IGSF21: variants seen among roughly 807,000 people sequenced by gnomAD.
IGSF21 encodes the protein immunoglobulin superfamily member 21.
Under a neutral mutation model 46.8 loss-of-function variants are expected in IGSF21, and 28 were observed. That is an observed-to-expected ratio of 0.60 (90% CI 0.44 to 0.82). The LOEUF (loss-of-function observed/expected upper bound fraction) is 0.82, where lower values mean the gene tolerates loss of function less well. Ranked by LOEUF, IGSF21 falls within the 40% of genes least tolerant of loss-of-function variation. The probability of loss-of-function intolerance (pLI) is 0.00; values close to 1 mark genes in which losing one functional copy is unlikely to be tolerated. For missense variants in IGSF21, 624 were observed against 665.5 expected, an observed-to-expected ratio of 0.94 and a Z score of 0.69; for synonymous variants, 284 against 273.6, an observed-to-expected ratio of 1.04 and a Z score of -0.38.
At chr1:18,148,124 A>G (rs1457833610) in intron 1 of IGSF21, among the ~76,000 whole-genome samples, 1 of 120,846 alleles carries the variant, frequency 8.3e-6, no homozygotes, top group East Asian at 2.5e-4. Context: ...AGTCACAAGT[A>G]TGTCCTTTTT....
chr1:18,330,730 C>T (rs1409899996), intron 3 of IGSF21, among the ~76,000 whole-genome samples: 1 of 152,108 alleles, frequency 6.6e-6, no homozygotes, highest in Non-Finnish European at 1.5e-5. Flanking sequence ...CCCTGTTGGC[C>T]AAGATGATGA....
At chr1:18,299,138 A>G (rs1426522279) in intron 3 of IGSF21, among the ~76,000 whole-genome samples, 1 of 152,182 alleles carries the variant, frequency 6.6e-6, no homozygotes, top group Non-Finnish European at 1.5e-5. Flanking sequence ...GACAAAGAGG[A>G]GCTGGGAGCT....
chr1:18,206,548 CAAAAA>C (rs1182210491), intron 1 of IGSF21, among the ~76,000 whole-genome samples: 1 of 78,860 alleles, frequency 1.3e-5, no homozygotes, highest in African/African-American at 4.9e-5. Context: ...GACCCCGTCT[CAAAAA>C]AAAAAAAAAA....
At chr1:18,276,681 C>T (rs1179387829) in intron 2 of IGSF21, among the ~76,000 whole-genome samples, 1 of 152,042 alleles carries the variant, frequency 6.6e-6, no homozygotes, top group Non-Finnish European at 1.5e-5. Flanking sequence ...GGGTCACAAG[C>T]CATTGTCTGG....
At chr1:18,287,180 C>CAAAA (rs1157021116) in intron 2 of IGSF21, among the ~76,000 whole-genome samples, 1 of 31,824 alleles carries the variant, frequency 3.1e-5, no homozygotes, top group African/African-American at 5.3e-5. Flanking sequence ...GACTCCGTCT[C>CAAAA]AAAAAAAAAA....
intron 4 of IGSF21, among the ~76,000 whole-genome samples, chr1:18,341,434 C>T (rs1352345664): frequency 6.6e-6 from 1 of 152,156 alleles, no homozygotes; most frequent in East Asian, 1.9e-4. Flanking sequence ...ATAATTCAAC[C>T]CACAGCAGTA....
At chr1:18,171,761 G>A (rs111426132) in intron 1 of IGSF21, among the ~76,000 whole-genome samples, 1 of 152,168 alleles carries the variant, frequency 6.6e-6, no homozygotes, top group East Asian at 1.9e-4. Flanking sequence ...CTTTAATTTT[G>A]TTGAGTAATT....
At chr1:18,261,739 C>A (rs564092437) in intron 2 of IGSF21, among the ~76,000 whole-genome samples, 1 of 152,314 alleles carries the variant, frequency 6.6e-6, no homozygotes. Context: ...TGTCTCCCTG[C>A]CTTAACCTTG....
intron 1 of IGSF21, among the ~76,000 whole-genome samples, chr1:18,116,990 G>A (rs1570239426): frequency 6.6e-6 from 1 of 152,196 alleles, no homozygotes; most frequent in South Asian, 2.1e-4. Flanking sequence ...GGATGGAGGA[G>A]TTGGCAGAGA....
At chr1:18,294,860 T>A (rs1433926561) in intron 3 of IGSF21, among the ~76,000 whole-genome samples, 2 of 152,256 alleles carry the variant, frequency 1.3e-5, no homozygotes, top group African/African-American at 4.8e-5. Flanking sequence ...GACTGCCTCT[T>A]CAGGCTGCAG....
In IGSF21 at chr1:18,109,021, C is replaced by CGTGTGT. The variant is rs1553146178; in HGVS notation, c.70+828_70+829insTGTGTG. ...GTGTGTGTGTGTGTGTGTGTCCCGC[C>CGTGTGT]GTGTGGACTTGCTCCCGGGTTAGGC... On this transcript the variant is annotated intron_variant, in intron 1 of 9. Transcript: ENST00000251296. The surrounding 1 kb of genome is among the most constrained non-coding windows in gnomAD (Gnocchi z 4.8). Among the ~76,000 whole-genome samples, 1 of 55,922 alleles carries CGTGTGT rather than the reference C, an allele frequency of 1.8e-5. No homozygotes were observed. Among genetic ancestry groups the CGTGTGT allele is most frequent in the Non-Finnish European group, 3.7e-5 (1 of 27,374 alleles). 36.7% of individuals were successfully genotyped at this position (55,922 alleles called of 152,430 possible).
intron 2 of IGSF21, among the ~76,000 whole-genome samples, chr1:18,234,380 G>A (rs916477247): frequency 6.6e-6 from 1 of 152,048 alleles, no homozygotes; most frequent in Admixed American, 6.6e-5. Context: ...AGCCAGAGAG[G>A]GCCCACCAAA....
chr1:18,158,171 G>T (rs2086584632), intron 1 of IGSF21, among the ~76,000 whole-genome samples: 1 of 152,042 alleles, frequency 6.6e-6, no homozygotes. Flanking sequence ...TCACACACCT[G>T]CCCTGTCATT....
In IGSF21 at chr1:18,254,140, T is replaced by C. The variant is rs568393955; in HGVS notation, c.183+26130T>C. On this transcript the variant is annotated intron_variant, in intron 2 of 9. Coordinates refer to ENST00000251296, the MANE Select transcript of IGSF21 (RefSeq NM_032880.5). ...TAGGTGCTTCTACCCAGTTCATGCT[T>C]GTAGTAAGTTCTGGAGCCTGAACTA... Among the ~76,000 whole-genome samples, 3 of 152,288 alleles carry C rather than the reference T, an allele frequency of 2.0e-5. No homozygotes were observed. In the South Asian group the frequency reaches 6.2e-4, roughly 32 times the overall value.
At chr1:18,232,035 G>A (rs1460620514) in intron 2 of IGSF21, among the ~76,000 whole-genome samples, 1 of 151,448 alleles carries the variant, frequency 6.6e-6, no homozygotes, top group African/African-American at 2.4e-5. Flanking sequence ...GATGTCAAGA[G>A]AGTTGTCATC....
At chr1:18,224,317 G>A (rs1349229003) in intron 1 of IGSF21, among the ~76,000 whole-genome samples, 1 of 152,014 alleles carries the variant, frequency 6.6e-6, no homozygotes, top group Non-Finnish European at 1.5e-5. Context: ...CCAGCTTCAG[G>A]GCCTTTGCGC....
intron 3 of IGSF21, among the ~76,000 whole-genome samples, chr1:18,301,037 T>C (rs2085356103): frequency 6.6e-6 from 1 of 152,186 alleles, no homozygotes; most frequent in Non-Finnish European, 1.5e-5. Context: ...TGTATTCCAA[T>C]GTGGAATTAT....
intron 3 of IGSF21, among the ~76,000 whole-genome samples, chr1:18,317,963 G>A (rs1049808041): frequency 1.3e-5 from 2 of 152,232 alleles, no homozygotes; most frequent in African/African-American, 2.4e-5. Flanking sequence ...TCAAAGCTGG[G>A]CAGCTAGGCT....
chr1:18,123,454 A>T (rs1394018019), intron 1 of IGSF21, among the ~76,000 whole-genome samples: 1 of 152,156 alleles, frequency 6.6e-6, no homozygotes, highest in Non-Finnish European at 1.5e-5. Flanking sequence ...GACAAATAAG[A>T]CCCAGTGCCT....
Sources: allele counts gnomAD v4.1 joint callset (sites outside exome capture counted in the v4.1 genomes callset), GRCh38; gene constraint gnomAD v4.1.1; non-coding constraint Gnocchi (gnomAD v3.1); transcripts MANE v1.5; gene names NCBI Gene and HGNC (gene_info 2026-07-23, HGNC 2026-07-21).